CNBD1: variants seen among roughly 807,000 people sequenced by gnomAD.
CNBD1 encodes the protein cyclic nucleotide binding domain containing 1, also known as cyclic nucleotide-binding domain-containing protein 1.
CNBD1 carries 71 observed loss-of-function variants against 54.4 expected under a neutral mutation model. The observed-to-expected ratio is 1.30, with a 90% CI of 1.08 to 1.59. The LOEUF (loss-of-function observed/expected upper bound fraction) is 1.59. Among genes scored for constraint, CNBD1 ranks in the 40% most tolerant of loss-of-function variants. The pLI, the probability that CNBD1 is intolerant of heterozygous loss-of-function variation, is 0.00. For missense variants in CNBD1, 659 were observed against 518.0 expected (o/e 1.27, Z -2.64); for synonymous variants, 182 against 170.7 (o/e 1.07, Z -0.51).
intron 6 of CNBD1, among the ~76,000 whole-genome samples, chr8:87,282,646 C>A (rs1362740979): frequency 6.6e-6 from 1 of 151,630 alleles, no homozygotes; most frequent in African/African-American, 2.4e-5. Context: ...TTTATAATTT[C>A]CTAATTATTA....
chr8:87,240,364 C>T (rs1037343711), intron 6 of CNBD1, among the ~76,000 whole-genome samples: 2 of 152,096 alleles, frequency 1.3e-5, no homozygotes, highest in Non-Finnish European at 2.9e-5. Flanking sequence ...ATTCAACAGG[C>T]AGGGCCCAGT....
At chr8:87,322,852 T>C (rs936689501) in intron 8 of CNBD1, among the ~76,000 whole-genome samples, 1 of 116,980 alleles carries the variant, frequency 8.5e-6, no homozygotes, top group East Asian at 2.1e-4. Flanking sequence ...CCATTGCTTT[T>C]GGTGTTTTAG....
intron 4 of CNBD1, among the ~76,000 whole-genome samples, chr8:87,003,238 G>A (rs1347837250): frequency 6.6e-6 from 1 of 152,138 alleles, no homozygotes; most frequent in Non-Finnish European, 1.5e-5. Context: ...CATGTTGTAT[G>A]GTTCTTGGTA....
chr8:87,351,859 T>C, intron 9 of CNBD1, 65 bp downstream of exon 9: 2 of 1,304,682 alleles, frequency 1.5e-6, no homozygotes, highest in Non-Finnish European at 2.0e-6. Flanking sequence ...GTCAGATACC[T>C]TTTCATGTAC....
chr8:87,372,149 A>G (rs1252113475), intron 10 of CNBD1, among the ~76,000 whole-genome samples: 1 of 152,118 alleles, frequency 6.6e-6, no homozygotes, highest in East Asian at 1.9e-4. Context: ...GTCTCAGGAT[A>G]CAAAATCAAT....
In CNBD1 at chr8:87,206,249, T is replaced by TA. The variant is rs1163044424; in HGVS notation, c.577+116dup. 4 of 842,022 alleles carry TA rather than the reference T, an allele frequency of 4.8e-6. No homozygotes were observed. In the East Asian group the frequency reaches 1.2e-4, roughly 26 times the overall value. 52.2% of individuals were successfully genotyped at this position (842,022 alleles called of 1,614,324 possible). On this transcript the variant is annotated intron_variant, in intron 5 of 10. Transcript: ENST00000518476. ...CACTTAACAATTTCAGTTGACATGG[T>TA]AAAAATGTACTATTTGGGTGTGTTT...
At chr8:87,261,076 C>T (rs916859284) in intron 6 of CNBD1, among the ~76,000 whole-genome samples, 4 of 152,130 alleles carry the variant, frequency 2.6e-5, no homozygotes, top group Non-Finnish European at 5.9e-5. Flanking sequence ...CTTTCTGACC[C>T]AGTCAGAGGT....
intron 4 of CNBD1, among the ~76,000 whole-genome samples, chr8:87,138,043 A>G (rs1163601928): frequency 1.3e-5 from 2 of 152,132 alleles, no homozygotes; most frequent in Non-Finnish European, 2.9e-5. Flanking sequence ...AATTCGGATT[A>G]TTTCTTAAAA....
intron 8 of CNBD1, among the ~76,000 whole-genome samples, chr8:87,334,192 A>G (rs1351370955): frequency 1.3e-5 from 2 of 152,050 alleles, no homozygotes; most frequent in African/African-American, 2.4e-5. Flanking sequence ...CCATTCTCTG[A>G]TGGTAGCTTG....
At chr8:87,354,214 G>T (rs892305669) in intron 10 of CNBD1, among the ~76,000 whole-genome samples, 12 of 151,978 alleles carry the variant, frequency 7.9e-5, no homozygotes, top group African/African-American at 2.9e-4. Context: ...TGAGTCCTTA[G>T]GATAATGGTA....
chr8:86,918,536 C>G (rs1399221846), intron 3 of CNBD1, among the ~76,000 whole-genome samples: 4 of 151,892 alleles, frequency 2.6e-5, no homozygotes, highest in Admixed American at 6.6e-5. Flanking sequence ...GGAGCCGTTT[C>G]CCCCATACTG....
chr8:87,040,712 C>G (rs1433340222), intron 4 of CNBD1, among the ~76,000 whole-genome samples: 2 of 151,550 alleles, frequency 1.3e-5, no homozygotes, highest in African/African-American at 4.8e-5. Flanking sequence ...GCGTGAGCCA[C>G]TGCGTCTGGC....
chr8:87,186,898 C>A (rs1373427036), intron 4 of CNBD1, among the ~76,000 whole-genome samples: 1 of 152,062 alleles, frequency 6.6e-6, no homozygotes, highest in Non-Finnish European at 1.5e-5. Context: ...GCTGACCTAG[C>A]TGATCTGTCG....
At chr8:87,027,917 TCCTC>T (rs1225537452) in intron 4 of CNBD1, among the ~76,000 whole-genome samples, 1 of 152,138 alleles carries the variant, frequency 6.6e-6, no homozygotes, top group Admixed American at 6.5e-5. Flanking sequence ...TCGGTATGCT[TCCTC>T]TCTCTCTCAG....
intron 10 of CNBD1, among the ~76,000 whole-genome samples, chr8:87,371,454 A>T (rs907565847): frequency 6.6e-6 from 1 of 151,936 alleles, no homozygotes; most frequent in Non-Finnish European, 1.5e-5. Context: ...GTCCCTTGTA[A>T]TTTGGATTCC....
At chr8:86,880,339 A>AT (rs201899322) in intron 1 of CNBD1, among the ~76,000 whole-genome samples, 1 of 113,946 alleles carries the variant, frequency 8.8e-6, no homozygotes, top group African/African-American at 3.2e-5. Flanking sequence ...ATTAGAAAAA[A>AT]TAAAAAAAAA....
chr8:87,224,507 C>T (rs1345850649), intron 5 of CNBD1, among the ~76,000 whole-genome samples: 13 of 151,202 alleles, frequency 8.6e-5, no homozygotes, highest in Admixed American at 5.9e-4. Flanking sequence ...GGAATCCTTT[C>T]CCCATTGCTT....
intron 6 of CNBD1, among the ~76,000 whole-genome samples, chr8:87,250,935 A>C (rs1053581881): frequency 3.3e-5 from 5 of 152,162 alleles, no homozygotes; most frequent in African/African-American, 9.7e-5. Context: ...GACTATAATC[A>C]ATAATAGTTT....
chr8:86,919,086 G>A (rs1040574809), intron 3 of CNBD1, among the ~76,000 whole-genome samples: 1 of 151,532 alleles, frequency 6.6e-6, no homozygotes, highest in Non-Finnish European at 1.5e-5. Context: ...AAAATGAAAT[G>A]TCATGTATCA....
Sources: gnomAD v4.1 joint callset for allele counts (sites outside exome capture counted in the v4.1 genomes callset) on GRCh38, gnomAD v4.1.1 for gene constraint, MANE v1.5 for transcripts, NCBI Gene and HGNC (gene_info 2026-07-23, HGNC 2026-07-21) for gene names.